Variants in TAFA1 observed in about 807,000 individuals in gnomAD.
TAFA1 encodes chemokine-like protein TAFA-1.
A neutral mutation model predicts 18.5 loss-of-function variants in TAFA1; 4 were observed. The observed-to-expected ratio is 0.22, with a 90% CI of 0.11 to 0.49. The LOEUF (loss-of-function observed/expected upper bound fraction) is 0.49. Ranked by LOEUF, TAFA1 falls within the 20% of genes least tolerant of loss-of-function variation. The pLI is 0.98. For missense variants in TAFA1, 147 were observed against 169.0 expected, an observed-to-expected ratio of 0.87 and a Z score of 0.72; for synonymous variants, 56 against 55.2, an observed-to-expected ratio of 1.01 and a Z score of -0.06.
intron 2 of TAFA1, among the ~76,000 whole-genome samples, chr3:68,011,180 T>TAAATATAAATATAAATATAAATATAA (rs1292830910): frequency 3.3e-5 from 5 of 152,032 alleles, no homozygotes; most frequent in African/African-American, 1.2e-4. Context: ...ATATAAATCA[T>TAAATATAAATATAAATATAAATATAA]CTCAAAATTA....
intron 2 of TAFA1, among the ~76,000 whole-genome samples, chr3:68,349,176 T>C (rs2069219397): frequency 6.6e-6 from 1 of 151,898 alleles, no homozygotes; most frequent in African/African-American, 2.4e-5. Context: ...CTCTGTTATC[T>C]TGACTATCTC....
intron 2 of TAFA1, among the ~76,000 whole-genome samples, chr3:68,282,753 G>A (rs562926521): frequency 6.6e-6 from 1 of 152,296 alleles, no homozygotes; most frequent in South Asian, 2.1e-4. Flanking sequence ...CAAGCCTGAT[G>A]TATGCAGCAA....
At chr3:68,502,693 C>T (rs1035652241) in intron 3 of TAFA1, among the ~76,000 whole-genome samples, 1 of 152,086 alleles carries the variant, frequency 6.6e-6, no homozygotes, top group African/African-American at 2.4e-5. Context: ...GCCACATTCA[C>T]CTTCACCCTC....
chr3:68,227,847 T>C (rs1415965080), intron 2 of TAFA1, among the ~76,000 whole-genome samples: 1 of 152,192 alleles, frequency 6.6e-6, no homozygotes, highest in African/African-American at 2.4e-5. Flanking sequence ...TTTTTCCCAC[T>C]ACATGTGCTC....
intron 2 of TAFA1, among the ~76,000 whole-genome samples, chr3:68,085,968 A>G (rs2064966036): frequency 6.6e-6 from 1 of 152,204 alleles, no homozygotes; most frequent in African/African-American, 2.4e-5. Flanking sequence ...ATGAACACTC[A>G]GTAATTTTGG....
chr3:68,476,235 C>G (rs1402033084), intron 3 of TAFA1, among the ~76,000 whole-genome samples: 1 of 152,138 alleles, frequency 6.6e-6, no homozygotes, highest in Non-Finnish European at 1.5e-5. Context: ...TACAGGCAAC[C>G]TACAGAATGG....
At chr3:68,187,785 T>A (rs951595127) in intron 2 of TAFA1, among the ~76,000 whole-genome samples, 1 of 151,982 alleles carries the variant, frequency 6.6e-6, no homozygotes, top group Non-Finnish European at 1.5e-5. Flanking sequence ...CCAGAAGCAA[T>A]GTATGATCAT....
At chr3:68,263,856 A>G (rs1159599031) in intron 2 of TAFA1, among the ~76,000 whole-genome samples, 1 of 152,206 alleles carries the variant, frequency 6.6e-6, no homozygotes, top group Non-Finnish European at 1.5e-5. Context: ...CCATATTTAG[A>G]CAAACATTGA....
intron 2 of TAFA1, among the ~76,000 whole-genome samples, chr3:68,217,202 C>A (rs1575685997): frequency 6.6e-6 from 1 of 152,068 alleles, no homozygotes; most frequent in East Asian, 1.9e-4. Flanking sequence ...TTATTAATTA[C>A]TTTTAATGGC....
At chr3:68,300,946 T>C (rs2068293599) in intron 2 of TAFA1, among the ~76,000 whole-genome samples, 2 of 152,182 alleles carry the variant, frequency 1.3e-5, no homozygotes, top group African/African-American at 4.8e-5. Flanking sequence ...CTTTCCTTTA[T>C]AAATTGCCCA....
intron 2 of TAFA1, among the ~76,000 whole-genome samples, chr3:68,390,420 G>C (rs1002532937): frequency 6.6e-6 from 1 of 152,190 alleles, no homozygotes; most frequent in African/African-American, 2.4e-5. Context: ...GGGCAGCTGT[G>C]GGGACAGCTT....
chr3:68,026,765 C>A (rs1460735278), intron 2 of TAFA1, among the ~76,000 whole-genome samples: 1 of 152,130 alleles, frequency 6.6e-6, no homozygotes, highest in East Asian at 1.9e-4. Context: ...CTTCTATGTA[C>A]CTTGTTTCTG....
At chr3:68,257,884 C>G (rs938116177) in intron 2 of TAFA1, among the ~76,000 whole-genome samples, 1 of 152,084 alleles carries the variant, frequency 6.6e-6, no homozygotes, top group African/African-American at 2.4e-5. Flanking sequence ...CTGATTTCAC[C>G]TCTGTGATTT....
chr3:68,404,684 C>T (rs2070563508), intron 2 of TAFA1, among the ~76,000 whole-genome samples: 1 of 151,984 alleles, frequency 6.6e-6, no homozygotes, highest in African/African-American at 2.4e-5. Context: ...GTAATCCCAG[C>T]TACTTGGGAG....
chr3:68,417,472 T>C, intron 3 of TAFA1, 52 bp downstream of exon 3: 3 of 1,549,484 alleles, frequency 1.9e-6, no homozygotes, highest in Middle Eastern at 1.7e-4. Flanking sequence ...TCACTATACA[T>C]AATATAATTT....
intron 3 of TAFA1, among the ~76,000 whole-genome samples, chr3:68,447,208 A>G (rs2071485041): frequency 1.3e-5 from 2 of 152,194 alleles, no homozygotes; most frequent in Non-Finnish European, 1.5e-5. Context: ...AACACACACA[A>G]TGCAGCCTCC....
At chr3:68,357,085 C>T (rs2069379761) in intron 2 of TAFA1, among the ~76,000 whole-genome samples, 1 of 151,896 alleles carries the variant, frequency 6.6e-6, no homozygotes, top group Non-Finnish European at 1.5e-5. Context: ...TTTTCTCTTG[C>T]CAATCACACT....
chr3:68,172,133 T>G (rs1338245933), intron 2 of TAFA1, among the ~76,000 whole-genome samples: 2 of 152,120 alleles, frequency 1.3e-5, no homozygotes, highest in Non-Finnish European at 2.9e-5. Flanking sequence ...TAAGATAAAC[T>G]CAATAAAACT....
chr3:68,280,362 T>C (rs983633240), intron 2 of TAFA1, among the ~76,000 whole-genome samples: 7 of 152,222 alleles, frequency 4.6e-5, no homozygotes, highest in African/African-American at 1.4e-4. Flanking sequence ...AATCTCTCTT[T>C]GTAAGTTACA....
Sources: gnomAD v4.1 joint callset for allele counts (sites outside exome capture counted in the v4.1 genomes callset) on GRCh38, gnomAD v4.1.1 for gene constraint, MANE v1.5 for transcripts, NCBI Gene and HGNC (gene_info 2026-07-23, HGNC 2026-07-21) for gene names.